Variants in UGT1A9 observed in about 807,000 individuals in gnomAD.
UGT1A9 encodes the protein UDP-glucuronosyltransferase 1A9.
UGT1A9 carries 35 observed loss-of-function variants against 45.0 expected under a neutral mutation model. The ratio of observed to expected loss-of-function variants is 0.78; its 90% CI spans 0.59 to 1.03. UGT1A9 has a LOEUF of 1.03. UGT1A9 is among the 50% of genes least tolerant of loss of function. The pLI is 0.00. For synonymous variants in UGT1A9, 278 were observed against 250.6 expected, an observed-to-expected ratio of 1.11 and a Z score of -1.03; for missense variants, 687 against 666.6, an observed-to-expected ratio of 1.03 and a Z score of -0.34.
chr2:233,743,306 T>C (rs1214734501), intron 1 of UGT1A9: 2 of 592,290 alleles, frequency 3.4e-6, no homozygotes, highest in Non-Finnish European at 5.6e-6. Flanking sequence ...ATTCTCTTGG[T>C]GGTGATTTTT....
intron 1 of UGT1A9, chr2:233,691,864 GA>G (rs1433694796): frequency 6.4e-6 from 1 of 157,024 alleles, no homozygotes; most frequent in Non-Finnish European, 1.4e-5. Context: ...TGTATAATAA[GA>G]AATATATGTT....
chr2:233,672,798 T>A lies in UGT1A9; in HGVS notation c.855+9T>A. 1 of 1,612,458 alleles carries A rather than the reference T, an allele frequency of 6.2e-7. No individual in the cohort carries two copies. Among genetic ancestry groups the A allele is most frequent in the East Asian group, 2.2e-5 (1 of 44,876 alleles). ...GAAAGCCGTTGCCTATGGTAAGTTA[T>A]CTCTCCTTTAGCACCTTAAGAATAC... On this transcript the variant is annotated intron_variant, in intron 1 of 4. Transcript: ENST00000354728.
chr2:233,747,735 A>C, intron 1 of UGT1A9: 1 of 1,613,360 alleles, frequency 6.2e-7, no homozygotes, highest in Non-Finnish European at 8.5e-7. Flanking sequence ...TTTTTTGAGG[A>C]ACATTCCATG....
intron 1 of UGT1A9, chr2:233,747,664 T>C (rs942017762): frequency 1.4e-5 from 23 of 1,600,812 alleles, no homozygotes; most frequent in South Asian, 1.4e-4. Flanking sequence ...GTGGTTTTAA[T>C]AGACCCAATT....
At chr2:233,767,965 C>CAAACCAG (rs1699532267) in intron 3 of UGT1A9, 29 bp downstream of exon 3, 1 of 1,613,980 alleles carries the variant, frequency 6.2e-7, no homozygotes, top group Admixed American at 1.7e-5. Flanking sequence ...ATGTATAGGT[C>CAAACCAG]AAACCAGGGT....
chr2:233,712,396 A>C (rs750718186), intron 1 of UGT1A9, among the ~76,000 whole-genome samples: 10 of 152,180 alleles, frequency 6.6e-5, no homozygotes, highest in Non-Finnish European at 1.0e-4. Context: ...CACTTCAGAG[A>C]GAGTCCTCTT....
chr2:233,767,774 T>C lies in UGT1A9; in HGVS notation c.988-75T>C, dbSNP rs749703763. On this transcript the variant is annotated intron_variant, in intron 2 of 4. Transcript: ENST00000354728. ...GTTCCTTCAGAGGACCCCTGTTTTC[T>C]AGTTAGTATAGCAGATTTGTTTTCT... The C allele has an allele frequency of 2.2e-5, 36 of 1,612,214 alleles. No homozygotes were observed. In the South Asian group the frequency reaches 3.9e-4, roughly 17 times the overall value.
At chr2:233,747,339 C>CA (rs1401880990) in intron 1 of UGT1A9, 116 of 1,603,228 alleles carry the variant, frequency 7.2e-5, no homozygotes, top group South Asian at 2.9e-4. Context: ...GCCACTGGCT[C>CA]GCATGCGGGA....
intron 1 of UGT1A9, chr2:233,690,574 G>A (rs1173398260): frequency 1.6e-6 from 2 of 1,287,978 alleles, no homozygotes; most frequent in African/African-American, 3.1e-5. Context: ...CATTCAGCCT[G>A]CAGCAATCCC....
chr2:233,743,520 G>A (rs759007678), intron 1 of UGT1A9: 1 of 1,367,248 alleles, frequency 7.3e-7, no homozygotes, highest in Non-Finnish European at 9.8e-7. Flanking sequence ...CTCTGCTTCT[G>A]CTTCCCCAGC....
intron 1 of UGT1A9, chr2:233,694,016 A>T: frequency 2.2e-6 from 3 of 1,386,912 alleles, no homozygotes; most frequent in Non-Finnish European, 2.9e-6. Flanking sequence ...GCGGGAACAC[A>T]TAGGAGACCT....
At chr2:233,765,660 C>G (rs1450693381) in intron 1 of UGT1A9, among the ~76,000 whole-genome samples, 1 of 151,428 alleles carries the variant, frequency 6.6e-6, no homozygotes, top group South Asian at 2.1e-4. Flanking sequence ...GTGCAGCAAA[C>G]CACCATGGCA....
At chr2:233,727,339 C>T (rs2077606972) in intron 1 of UGT1A9, among the ~76,000 whole-genome samples, 2 of 152,160 alleles carry the variant, frequency 1.3e-5, no homozygotes, top group Admixed American at 6.5e-5. Flanking sequence ...TCCTCCCTCC[C>T]CATAGTTCTG....
chr2:233,746,343 T>C (rs754584416), intron 1 of UGT1A9, among the ~76,000 whole-genome samples: 11 of 151,756 alleles, frequency 7.2e-5, no homozygotes, highest in Non-Finnish European at 1.6e-4. Context: ...TGGACATGTT[T>C]ATGTTGCTCC....
Position 233,743,742 on chromosome 2 carries a change from C to A in UGT1A9, c.856-23292C>A, listed in dbSNP as rs377755645. 6 of 1,367,276 alleles carry A rather than the reference C, an allele frequency of 4.4e-6. No individual in the cohort carries two copies. The Admixed American group carries it at 1.1e-4, about 26-fold the overall frequency. The allele number at this position is 1,367,276 out of a possible 1,614,324, so 84.7% of individuals were successfully genotyped here. ...CGGTCATAGATATCGCGTTTCTTGG[C>A]GTCCGACAACACCTCGTAGGCCTCG... On this transcript the variant is annotated intron_variant, in intron 1 of 4. Coordinates refer to ENST00000354728, the MANE Select transcript of UGT1A9 (RefSeq NM_021027.3).
chr2:233,760,880 C>T, intron 1 of UGT1A9: 2 of 1,614,166 alleles, frequency 1.2e-6, no homozygotes, highest in Non-Finnish European at 1.7e-6. Context: ...AGGCCTCTCT[C>T]CTCTCATTCA....
At chr2:233,730,901 C>A (rs2078088163) in intron 1 of UGT1A9, among the ~76,000 whole-genome samples, 1 of 152,116 alleles carries the variant, frequency 6.6e-6, no homozygotes, top group Non-Finnish European at 1.5e-5. Flanking sequence ...TACTCCTTTA[C>A]CAAAAATTTC....
Position 233,693,653 on chromosome 2 carries a change from T to A in UGT1A9, c.855+20864T>A, listed in dbSNP as rs1169915380. On this transcript the variant is annotated intron_variant, in intron 1 of 4. Coordinates refer to ENST00000354728, the MANE Select transcript of UGT1A9 (RefSeq NM_021027.3). Reference sequence around the variant, plus strand: ...AGTGGCCAACTTCCTTGTTAATTTGTTGGAGCCCTATCTATTTTATTGTCT... The same window carrying A: ...AGTGGCCAACTTCCTTGTTAATTTGATGGAGCCCTATCTATTTTATTGTCT... The A allele has an allele frequency of 1.9e-6, 3 of 1,614,138 alleles. No homozygotes were observed. In the African/African-American group the frequency reaches 4.0e-5, roughly 22 times the overall value.
At chr2:233,680,241 A>T (rs2074479901) in intron 1 of UGT1A9, among the ~76,000 whole-genome samples, 1 of 152,154 alleles carries the variant, frequency 6.6e-6, no homozygotes, top group Non-Finnish European at 1.5e-5. Context: ...AGGTTTAAAA[A>T]ATTACACTAA....
Sources: allele counts gnomAD v4.1 joint callset (sites outside exome capture counted in the v4.1 genomes callset), GRCh38; gene constraint gnomAD v4.1.1; transcripts MANE v1.5; gene names NCBI Gene and HGNC (gene_info 2026-07-23, HGNC 2026-07-21).